The following MAF variants were observed in gnomAD, a reference collection of about 807,000 sequenced individuals.
The protein encoded by MAF is MAF bZIP transcription factor, also known as transcription factor Maf.
MAF carries 10 observed loss-of-function variants against 22.0 expected under a neutral mutation model. That is an observed-to-expected ratio of 0.45 (90% CI 0.28 to 0.77). The LOEUF (loss-of-function observed/expected upper bound fraction) is 0.77, where lower values mean the gene tolerates loss of function less well. Ranked by LOEUF, MAF falls within the 30% of genes least tolerant of loss-of-function variation. The pLI, the probability that MAF is intolerant of heterozygous loss-of-function variation, is 0.12. For missense variants in MAF, 544 were observed against 548.4 expected (o/e 0.99, Z 0.08); for synonymous variants, 337 against 255.8 (o/e 1.32, Z -3.03).
chr16:79,484,084 C>G, the MAF span, among the ~76,000 whole-genome samples: 2 of 152,202 alleles, frequency 1.3e-5, no homozygotes, highest in Admixed American at 6.5e-5. Flanking sequence ...CCCATTCTCT[C>G]TCTAACTGAA....
the MAF span, among the ~76,000 whole-genome samples, chr16:79,376,877 T>A: frequency 6.6e-6 from 1 of 152,240 alleles, no homozygotes; most frequent in Non-Finnish European, 1.5e-5. Context: ...GGCTGCATAG[T>A]ATTCCATGGT....
the MAF span, among the ~76,000 whole-genome samples, chr16:79,253,031 G>T: frequency 1.3e-5 from 2 of 152,314 alleles, no homozygotes; most frequent in South Asian, 2.1e-4. Context: ...TGAGTTTATT[G>T]TGCAGATTAA....
the MAF span, among the ~76,000 whole-genome samples, chr16:79,280,695 C>T: frequency 6.6e-6 from 1 of 152,204 alleles, no homozygotes; most frequent in Admixed American, 6.5e-5. Flanking sequence ...TGATGCTAGA[C>T]TTCAGCTGAA....
At chr16:79,202,945 C>A in the MAF span, 2 of 152,116 alleles carry the variant, frequency 1.3e-5, no homozygotes, top group African/African-American at 4.8e-5. Flanking sequence ...AAAAGACATA[C>A]CTTTGTAACT....
At chr16:79,377,093 C>T in the MAF span, among the ~76,000 whole-genome samples, 11 of 152,100 alleles carry the variant, frequency 7.2e-5, no homozygotes, top group South Asian at 2.1e-4. Context: ...CCTGAGGAAT[C>T]GCCACACTGA....
chr16:79,405,859 C>T, the MAF span, among the ~76,000 whole-genome samples: 50 of 152,262 alleles, frequency 3.3e-4, no homozygotes, highest in South Asian at 9.1e-3. Context: ...AGATGCCACC[C>T]GTCAACCATC....
the MAF span, among the ~76,000 whole-genome samples, chr16:79,457,980 T>C: frequency 6.6e-6 from 1 of 152,324 alleles, no homozygotes; most frequent in Non-Finnish European, 1.5e-5. Context: ...ACTCACAACC[T>C]TTCTTATCTT....
chr16:79,338,301 A>G, the MAF span, among the ~76,000 whole-genome samples: 2 of 152,194 alleles, frequency 1.3e-5, no homozygotes, highest in South Asian at 2.1e-4. Context: ...TAAATCACAG[A>G]TGACTTTATA....
At chr16:79,384,695 T>G in the MAF span, among the ~76,000 whole-genome samples, 1 of 152,014 alleles carries the variant, frequency 6.6e-6, no homozygotes. Context: ...AGGCGGAGGT[T>G]GCAGTGAGCC....
At chr16:79,594,603 C>T (rs371157295) in intron 1 of MAF, 50 bp from the exon 2 acceptor site, 157 of 1,548,526 alleles carry the variant, frequency 1.0e-4, no homozygotes, top group Admixed American at 2.4e-4. Flanking sequence ...AAAGATCAAA[C>T]GCAGCGTAAA....
At chr16:79,421,454 T>G in the MAF span, among the ~76,000 whole-genome samples, 1 of 152,298 alleles carries the variant, frequency 6.6e-6, no homozygotes, top group South Asian at 2.1e-4. Context: ...CACAATGTCA[T>G]GTAGTTGGAT....
the MAF span, among the ~76,000 whole-genome samples, chr16:79,331,936 A>T: frequency 6.6e-6 from 1 of 152,074 alleles, no homozygotes; most frequent in East Asian, 1.9e-4. Context: ...TCTATCATTC[A>T]CTCGACTTTA....
At chr16:79,424,239 T>A in the MAF span, among the ~76,000 whole-genome samples, 1 of 152,148 alleles carries the variant, frequency 6.6e-6, no homozygotes, top group Admixed American at 6.6e-5. Flanking sequence ...ATAATGAAGC[T>A]TTGCCGAGAT....
the MAF span, among the ~76,000 whole-genome samples, chr16:79,353,951 G>T: frequency 6.6e-6 from 1 of 152,072 alleles, no homozygotes; most frequent in Non-Finnish European, 1.5e-5. Flanking sequence ...TCTTCATGGA[G>T]ACCAGAGATA....
chr16:79,423,821 T>C, the MAF span, among the ~76,000 whole-genome samples: 1 of 152,164 alleles, frequency 6.6e-6, no homozygotes, highest in African/African-American at 2.4e-5. Flanking sequence ...TAACCTAGCC[T>C]CCACCTTTCT....
the MAF span, among the ~76,000 whole-genome samples, chr16:79,238,011 C>T: frequency 1.3e-5 from 2 of 152,096 alleles, no homozygotes; most frequent in African/African-American, 4.8e-5. Flanking sequence ...TGGCCTGTGT[C>T]ACCTTTTGAC....
the MAF span, among the ~76,000 whole-genome samples, chr16:79,563,830 C>T: frequency 2.6e-5 from 4 of 152,034 alleles, no homozygotes; most frequent in Non-Finnish European, 5.9e-5. Context: ...TTACACTCAC[C>T]TAGCAATTCT....
At chr16:79,212,219 G>C in the MAF span, 419 of 1,413,804 alleles carry the variant, frequency 3.0e-4, no homozygotes, top group Non-Finnish European at 3.8e-4. Context: ...GAAAAAGCAA[G>C]TGTTCACTGC....
the MAF span, among the ~76,000 whole-genome samples, chr16:79,331,812 C>T: frequency 2.0e-5 from 3 of 152,186 alleles, no homozygotes; most frequent in Non-Finnish European, 4.4e-5. Flanking sequence ...ACTCCTATCC[C>T]TTTTGCCTAG....
Sources: allele counts gnomAD v4.1 joint callset (sites outside exome capture counted in the v4.1 genomes callset), GRCh38; gene constraint gnomAD v4.1.1; transcripts MANE v1.5; gene names NCBI Gene and HGNC (gene_info 2026-07-23, HGNC 2026-07-21).